The following SFMBT2 variants were observed in gnomAD, a reference collection of about 807,000 sequenced individuals.
SFMBT2 encodes the protein Scm like with four mbt domains 2.
A neutral mutation model predicts 110.1 loss-of-function variants in SFMBT2; 38 were observed. That is an observed-to-expected ratio of 0.35 (90% CI 0.27 to 0.45). The LOEUF (loss-of-function observed/expected upper bound fraction) is 0.45. Ranked by LOEUF, SFMBT2 falls within the 20% of genes least tolerant of loss-of-function variation. SFMBT2 has a pLI of 1.00. For missense variants in SFMBT2, 1,011 were observed against 1,094.9 expected (o/e 0.92, Z 1.08); for synonymous variants, 425 against 425.4 (o/e 1.00, Z 0.01).
rs548765705 is a variant in SFMBT2 at position 7,245,075 on chromosome 10, G to A, written c.973-1370C>T. 4.0e-4 allele frequency among the ~76,000 whole-genome samples: 61 copies of A among 152,238 alleles called. 1 individual carries two copies. In the South Asian group the frequency reaches 0.012, roughly 31 times the overall value. Reference sequence around the variant, plus strand: ...TCTGGCTCAGGGTGCAAAGCCAAGTGCCTACCAACAGGGAAACTAACACCA... The same window carrying A: ...TCTGGCTCAGGGTGCAAAGCCAAGTACCTACCAACAGGGAAACTAACACCA... On this transcript the variant is annotated intron_variant, in intron 8 of 20. Transcript: ENST00000397167.
intron 20 of SFMBT2, among the ~76,000 whole-genome samples, chr10:7,167,656 A>G (rs1207619930): frequency 6.6e-6 from 1 of 152,220 alleles, no homozygotes; most frequent in Non-Finnish European, 1.5e-5. Flanking sequence ...TGAACCAATT[A>G]GTAAAAATTA....
chr10:7,383,123 C>T (rs1041652893), intron 1 of SFMBT2, among the ~76,000 whole-genome samples: 3 of 152,192 alleles, frequency 2.0e-5, no homozygotes, highest in Non-Finnish European at 2.9e-5. Flanking sequence ...TATAATGCAC[C>T]TGTATCTATC....
Position 7,220,408 on chromosome 10 carries a change from T to A in SFMBT2, c.1330+3A>T. The A allele has an allele frequency of 3.7e-6, 6 of 1,613,788 alleles. No individual in the cohort carries two copies. Among genetic ancestry groups the A allele is most frequent in the Non-Finnish European group, 4.2e-6 (5 of 1,179,724 alleles). Reference sequence around the variant, plus strand: ...GCGACTGCTACCCCCAGCGAGTACGTACCTTCCAGGTGAAGCCACATTAGC... The same window carrying A: ...GCGACTGCTACCCCCAGCGAGTACGAACCTTCCAGGTGAAGCCACATTAGC... On this transcript the variant is annotated splice_donor_region_variant and intron_variant, in intron 11 of 20. Coordinates refer to ENST00000397167, the MANE Select transcript of SFMBT2 (RefSeq NM_001387889.1).
chr10:7,189,240 T>G (rs890268177), intron 15 of SFMBT2: 2 of 917,274 alleles, frequency 2.2e-6, no homozygotes, highest in East Asian at 2.4e-4. Context: ...GCTCAATTCA[T>G]GGACATTTAA....
intron 2 of SFMBT2, among the ~76,000 whole-genome samples, chr10:7,371,920 A>ACT (rs1554811162): frequency 1.3e-5 from 1 of 77,734 alleles, no homozygotes; most frequent in African/African-American, 5.2e-5. Context: ...TCCACCTGTA[A>ACT]TTTTTTTTTT....
intron 4 of SFMBT2, among the ~76,000 whole-genome samples, chr10:7,295,835 C>A (rs556210114): frequency 1.3e-5 from 2 of 152,048 alleles, no homozygotes; most frequent in South Asian, 4.1e-4. Flanking sequence ...TAGGTAACAC[C>A]AATACTGTTC....
chr10:7,394,126 A>G (rs1229130739), intron 1 of SFMBT2, among the ~76,000 whole-genome samples: 1 of 152,000 alleles, frequency 6.6e-6, no homozygotes, highest in Non-Finnish European at 1.5e-5. Context: ...CAGCCTCTCA[A>G]GTAGCTGGGA....
rs1399710935 is a variant in SFMBT2, at chr10:7,332,513, CAT to C, written c.436+35134_436+35135del. Among the ~76,000 whole-genome samples the C allele has an allele frequency of 4.6e-5, 7 of 152,290 alleles. No homozygotes were observed. In the East Asian group the frequency reaches 1.3e-3, roughly 29 times the overall value. ...AAGTTAACTTTTTAAATTAAACAGA[CAT>C]ATTTATTTGCGCTTGTAAAATAACA... On this transcript the variant is annotated intron_variant, in intron 4 of 20. Coordinates refer to ENST00000397167, the MANE Select transcript of SFMBT2 (RefSeq NM_001387889.1).
intron 11 of SFMBT2, chr10:7,219,632 C>G: frequency 3.2e-6 from 1 of 309,368 alleles, no homozygotes; most frequent in Non-Finnish European, 4.7e-6. Flanking sequence ...GGAGAGCTAA[C>G]TTTATTTTAC....
rs1837506634 is a variant in SFMBT2 at position 7,159,899 on chromosome 10, G to C, written c.*3871C>G. The C allele has an allele frequency of 6.6e-6, 1 of 152,172 alleles. No individual in the cohort carries two copies. Among genetic ancestry groups the C allele is most frequent in the Non-Finnish European group, 1.5e-5 (1 of 68,040 alleles). 9.4% of individuals were successfully genotyped at this position (152,172 alleles called of 1,614,324 possible). A position where few individuals can be genotyped will look rare whatever the true frequency, so the allele number is the denominator to read the frequency against. ...GGCATAAGACAGAAGGCAAATCTCA[G>C]AACTTGCCAAATACAACACTCAAAA... On this transcript the variant is annotated 3_prime_UTR_variant, in exon 21 of 21. Coordinates refer to ENST00000397167, the MANE Select transcript of SFMBT2 (RefSeq NM_001387889.1).
At chr10:7,379,249 AC>A (rs1436118686) in intron 2 of SFMBT2, among the ~76,000 whole-genome samples, 1 of 152,130 alleles carries the variant, frequency 6.6e-6, no homozygotes, top group Non-Finnish European at 1.5e-5. Flanking sequence ...CCAGGAGAAG[AC>A]CTTCAGCACT....
chr10:7,410,704 C>G (rs984564210), intron 1 of SFMBT2, among the ~76,000 whole-genome samples, 157 bp downstream of exon 1: 8 of 151,462 alleles, frequency 5.3e-5, no homozygotes, highest in Non-Finnish European at 7.4e-5. Flanking sequence ...CCCGCCACCT[C>G]CAACCCCAGC....
intron 4 of SFMBT2, among the ~76,000 whole-genome samples, chr10:7,295,941 C>G (rs1188243363): frequency 6.6e-6 from 1 of 152,168 alleles, no homozygotes. Flanking sequence ...CTCTGAAGTT[C>G]CCAAGAAGAT....
chr10:7,360,541 G>C (rs1025426791), intron 4 of SFMBT2, among the ~76,000 whole-genome samples: 4 of 152,080 alleles, frequency 2.6e-5, no homozygotes, highest in Non-Finnish European at 4.4e-5. Flanking sequence ...ACCAAACACG[G>C]ATTTCTGGGG....
chr10:7,375,246 TGTAA>T (rs1436108799), intron 2 of SFMBT2, among the ~76,000 whole-genome samples: 1 of 152,050 alleles, frequency 6.6e-6, no homozygotes, highest in African/African-American at 2.4e-5. Flanking sequence ...GAAGCTGGAG[TGTAA>T]GTGACGTGAG....
chr10:7,246,946 C>A (rs2131728616), intron 8 of SFMBT2, among the ~76,000 whole-genome samples: 1 of 151,998 alleles, frequency 6.6e-6, no homozygotes, highest in East Asian at 1.9e-4. Context: ...GGAAAAATAT[C>A]CGACAACTGA....
chr10:7,241,697 A>G (rs1198528462), intron 9 of SFMBT2, among the ~76,000 whole-genome samples: 1 of 152,220 alleles, frequency 6.6e-6, no homozygotes, highest in Non-Finnish European at 1.5e-5. Context: ...TCTTAATATC[A>G]TAAAACTCAA....
rs1446654733 is a variant in SFMBT2 at position 7,162,703 on chromosome 10, C to T, written c.*1067G>A. 6.6e-6 allele frequency: 1 copy of T among 152,216 alleles called. No homozygotes were observed. The highest frequency in any genetic ancestry group is 2.4e-5 in the African/African-American group (1 of 41,440). 9.4% of individuals were successfully genotyped at this position (152,216 alleles called of 1,614,324 possible). On this transcript the variant is annotated 3_prime_UTR_variant, in exon 21 of 21. Transcript: ENST00000397167. ...ATCCAACATTTGCCTAAAAGACTCA[C>T]TCCCTGATCCGGCTACGATTAAACA...
chr10:7,319,920 CAG>C lies in SFMBT2; in HGVS notation c.437-33968_437-33967del, dbSNP rs377493709. Reference sequence around the variant, plus strand: ...ACAGAGAGAGACTAAGAGAGAGAGACAGAGAGACTGAGAGAGACACAGAGACT... The same window carrying C: ...ACAGAGAGAGACTAAGAGAGAGAGACAGAGACTGAGAGAGACACAGAGACT... On this transcript the variant is annotated intron_variant, in intron 4 of 20. Coordinates refer to ENST00000397167, the MANE Select transcript of SFMBT2 (RefSeq NM_001387889.1). 4.5e-4 allele frequency among the ~76,000 whole-genome samples: 60 copies of C among 132,924 alleles called. No homozygotes were observed. The East Asian group carries it at 7.6e-3, about 17-fold the overall frequency. The allele number at this position is 132,924 out of a possible 152,430, so 87.2% of individuals were successfully genotyped here.
Sources: gnomAD v4.1 joint callset for allele counts (sites outside exome capture counted in the v4.1 genomes callset) on GRCh38, gnomAD v4.1.1 for gene constraint, MANE v1.5 for transcripts, NCBI Gene and HGNC (gene_info 2026-07-23, HGNC 2026-07-21) for gene names.